PIAS4: variants seen among roughly 807,000 people sequenced by gnomAD.
PIAS4 encodes protein inhibitor of activated STAT 4.
A neutral mutation model predicts 58.0 loss-of-function variants in PIAS4; 7 were observed. The ratio of observed to expected loss-of-function variants is 0.12; its 90% CI spans 0.07 to 0.23. The LOEUF (loss-of-function observed/expected upper bound fraction) is 0.23. Ranked by LOEUF, PIAS4 falls within the 10% of genes least tolerant of loss-of-function variation. The probability of loss-of-function intolerance (pLI) is 1.00; values close to 1 mark genes in which losing one functional copy is unlikely to be tolerated. For synonymous variants in PIAS4, 364 were observed against 312.4 expected (o/e 1.17, Z -1.74); for missense variants, 550 against 709.5 (o/e 0.78, Z 2.55).
chr19:4,008,692 G>A (rs1319611027), intron 1 of PIAS4, among the ~76,000 whole-genome samples: 1 of 152,120 alleles, frequency 6.6e-6, no homozygotes, highest in Non-Finnish European at 1.5e-5. Context: ...AACCTCACCT[G>A]TGCAGCATCA....
chr19:4,027,394 G>A lies in PIAS4; in HGVS notation c.540-752G>A, dbSNP rs142909403. Among the ~76,000 whole-genome samples, 33 of 152,288 alleles carry A rather than the reference G, an allele frequency of 2.2e-4. No homozygotes were observed. In the East Asian group the frequency reaches 5.4e-3, roughly 25 times the overall value. The stretch of plus-strand genomic sequence containing the variant: ...CCTTTCCATGGCTGGGTCGCGTCCC[G>A]TGCGTGTTGGTCCTTCGGTCTACGG... On this transcript the variant is annotated intron_variant, in intron 3 of 10. Transcript: ENST00000262971.
chr19:4,008,536 T>C (rs1220271061), intron 1 of PIAS4, among the ~76,000 whole-genome samples: 1 of 152,134 alleles, frequency 6.6e-6, no homozygotes. Context: ...TCCCTCCCCA[T>C]AGGATGGAGT....
Position 4,037,894 on chromosome 19 carries a change from C to G in PIAS4, c.*19C>G, listed in dbSNP as rs1268187087. ...CTGCTGACCCCGGCCGCACACTCGA[C>G]TTTCCTGGTGCTCACCACGCAGAGG... On this transcript the variant is annotated 3_prime_UTR_variant, in exon 11 of 11. Transcript: ENST00000262971. The surrounding 1 kb of genome is among the most constrained non-coding windows in gnomAD (Gnocchi z 5.8). 7.7e-6 allele frequency: 12 copies of G among 1,566,376 alleles called. No individual in the cohort carries two copies. In the African/African-American group the frequency reaches 1.6e-4, roughly 21 times the overall value.
intron 2 of PIAS4, among the ~76,000 whole-genome samples, chr19:4,015,470 C>A (rs1484562900): frequency 6.6e-6 from 1 of 152,184 alleles, no homozygotes; most frequent in Non-Finnish European, 1.5e-5. Flanking sequence ...CCCACCCTGC[C>A]TCTCTCTCCC....
Position 4,037,330 on chromosome 19 carries a change from T to TG in PIAS4, c.1143-40dup. ...ATGGAGGGCTGGGGAGTTGGGGGGG[T>TG]GGGGCACCTCCAGCCCCGGCGTCAG... On this transcript the variant is annotated intron_variant, in intron 9 of 10. Coordinates refer to ENST00000262971, the MANE Select transcript of PIAS4 (RefSeq NM_015897.4). This position sits in a 1 kb window ranked among gnomAD's most constrained non-coding sequence, Gnocchi z 5.8. 1 of 957,662 alleles carries TG rather than the reference T, an allele frequency of 1.0e-6. No individual in the cohort carries two copies. Among genetic ancestry groups the TG allele is most frequent in the South Asian group, 1.3e-5 (1 of 75,884 alleles). The allele number at this position is 957,662 out of a possible 1,614,324, so 59.3% of individuals were successfully genotyped here.
Position 4,026,141 on chromosome 19 carries a change from C to CT in PIAS4, c.540-1993dup, listed in dbSNP as rs1210513779. On this transcript the variant is annotated intron_variant, in intron 3 of 10. Coordinates refer to ENST00000262971, the MANE Select transcript of PIAS4 (RefSeq NM_015897.4). ...CTTCTGGACATTTCTTTTTCTTTTT[C>CT]TTTTTTTTTTTTGAAATGAAGTCGC... Among the ~76,000 whole-genome samples the CT allele has an allele frequency of 3.0e-3, 368 of 121,360 alleles. 2 individuals carry two copies. The highest frequency in any genetic ancestry group is 8.1e-3 in the African/African-American group (249 of 30,878). The allele number at this position is 121,360 out of a possible 152,430, so 79.6% of individuals were successfully genotyped here.
chr19:4,009,222 G>A (rs927554494), intron 1 of PIAS4, among the ~76,000 whole-genome samples: 9 of 151,924 alleles, frequency 5.9e-5, no homozygotes, highest in African/African-American at 2.2e-4. Context: ...ATTACCCCCT[G>A]GGATCTGAAA....
chr19:4,015,486 C>T (rs1383214279), intron 2 of PIAS4, among the ~76,000 whole-genome samples: 4 of 152,212 alleles, frequency 2.6e-5, no homozygotes, highest in Non-Finnish European at 5.9e-5. Flanking sequence ...CTCCCACTGG[C>T]TCTCTCTCCA....
chr19:4,008,259 C>T (rs2039962004), intron 1 of PIAS4, among the ~76,000 whole-genome samples: 1 of 152,118 alleles, frequency 6.6e-6, no homozygotes, highest in African/African-American at 2.4e-5. Flanking sequence ...GGTCTCGTCC[C>T]CGCCCAACAG....
At chr19:4,010,576 A>G (rs1440307270) in intron 1 of PIAS4, among the ~76,000 whole-genome samples, 1 of 152,244 alleles carries the variant, frequency 6.6e-6, no homozygotes, top group Non-Finnish European at 1.5e-5. Flanking sequence ...CAGACCATGC[A>G]GGTCCCCATA....
chr19:4,026,093 A>T (rs1216268411), intron 3 of PIAS4, among the ~76,000 whole-genome samples: 2 of 134,196 alleles, frequency 1.5e-5, no homozygotes, highest in East Asian at 2.2e-4. Flanking sequence ...AAAAAAAAAA[A>T]GTTTGGTTTT....
intron 2 of PIAS4, among the ~76,000 whole-genome samples, chr19:4,019,188 C>T (rs1245760451): frequency 6.6e-6 from 1 of 152,124 alleles, no homozygotes; most frequent in Non-Finnish European, 1.5e-5. Flanking sequence ...CAGCTGACCC[C>T]GAGGGCAGAA....
At chr19:4,008,352 G>A (rs773071695) in intron 1 of PIAS4, among the ~76,000 whole-genome samples, 12 of 152,102 alleles carry the variant, frequency 7.9e-5, no homozygotes, top group Non-Finnish European at 1.8e-4. Flanking sequence ...AGGTGGAGGA[G>A]TCAGGGCCCT....
chr19:4,024,196 G>T lies in PIAS4; in HGVS notation c.539+76G>T. 5 of 1,009,370 alleles carry T rather than the reference G, an allele frequency of 5.0e-6. No homozygotes were observed. The Admixed American group carries it at 9.0e-5, about 18-fold the overall frequency. 62.5% of individuals were successfully genotyped at this position (1,009,370 alleles called of 1,614,324 possible). ...TCTCCTGGGCTCACTGGGGAGAGCCGGCAGCCACGTCCACTGCAGGCCTCG... is the reference window on the plus strand; with the variant it reads ...TCTCCTGGGCTCACTGGGGAGAGCCTGCAGCCACGTCCACTGCAGGCCTCG... On this transcript the variant is annotated intron_variant, in intron 3 of 10. Transcript: ENST00000262971.
At chr19:4,025,674 G>A (rs984487537) in intron 3 of PIAS4, among the ~76,000 whole-genome samples, 1 of 152,116 alleles carries the variant, frequency 6.6e-6, no homozygotes, top group Non-Finnish European at 1.5e-5. Flanking sequence ...TGGCGACCTC[G>A]TCTTTCTCAG....
Position 4,036,680 on chromosome 19 carries a change from C to T in PIAS4, c.1143-694C>T, listed in dbSNP as rs575521929. Among the ~76,000 whole-genome samples the T allele has an allele frequency of 3.0e-3, 441 of 149,382 alleles. 15 individuals carry two copies. Among genetic ancestry groups the T allele is most frequent in the Non-Finnish European group, 5.0e-3 (339 of 67,410 alleles). On this transcript the variant is annotated intron_variant, in intron 9 of 10. Coordinates refer to ENST00000262971, the MANE Select transcript of PIAS4 (RefSeq NM_015897.4). ...CACACATCTATACAGTCCACACCGT[C>T]ACACATCCATATAGTCCACACCATC...
In PIAS4 at chr19:4,013,886, A is replaced by G. The variant is rs927062916; in HGVS notation, c.454+537A>G. On this transcript the variant is annotated intron_variant, in intron 2 of 10. Coordinates refer to ENST00000262971, the MANE Select transcript of PIAS4 (RefSeq NM_015897.4). The surrounding 1 kb of genome is among the most constrained non-coding windows in gnomAD (Gnocchi z 5.1). The stretch of plus-strand genomic sequence containing the variant: ...GAGCTGGAGCCCTTTTTATAACCCA[A>G]CCTCGGACACGCCTCGCCATCTCCC... Among the ~76,000 whole-genome samples, 1 of 151,422 alleles carries G rather than the reference A, an allele frequency of 6.6e-6. No individual in the cohort carries two copies. The highest frequency in any genetic ancestry group is 2.4e-5 in the African/African-American group (1 of 41,178).
At chr19:4,014,779 C>G (rs2040034446) in intron 2 of PIAS4, among the ~76,000 whole-genome samples, 1 of 152,258 alleles carries the variant, frequency 6.6e-6, no homozygotes. Context: ...TGGGTGCCAG[C>G]TGGCCCCCGC....
Position 4,013,036 on chromosome 19 carries a change from G to A in PIAS4, c.141G>A (p.Gln47=). ...TCACCAGGGCCCTCCAGCTGGTGCA[G>A]TTTGACTGTAGCCCTGAGCTGTTCA... ...ELVTRALQLV[Q]FDCSPELFKK... The change falls in exon 2 of 11, where the codon CAG becomes CAA. Residue 47 remains glutamine (Q), a synonymous_variant. Coordinates refer to ENST00000262971, the MANE Select transcript of PIAS4 (RefSeq NM_015897.4). This position sits in a 1 kb window ranked among gnomAD's most constrained non-coding sequence, Gnocchi z 5.1. The A allele has an allele frequency of 6.2e-7, 1 of 1,613,640 alleles. No homozygotes were observed. Among genetic ancestry groups the A allele is most frequent in the South Asian group, 1.1e-5 (1 of 91,082 alleles).
Sources: gnomAD v4.1 joint callset for allele counts (sites outside exome capture counted in the v4.1 genomes callset) on GRCh38, gnomAD v4.1.1 for gene constraint, Gnocchi (gnomAD v3.1) non-coding constraint, MANE v1.5 for transcripts, NCBI Gene and HGNC (gene_info 2026-07-23, HGNC 2026-07-21) for gene names.